The following SH3KBP1 variants were observed in gnomAD, a reference collection of about 807,000 sequenced individuals.
SH3KBP1 encodes the protein SH3 domain containing kinase binding protein 1, also known as SH3 domain-containing kinase-binding protein 1.
Under a neutral mutation model 50.1 loss-of-function variants are expected in SH3KBP1, and 8 were observed. The ratio of observed to expected loss-of-function variants is 0.16; its 90% CI spans 0.09 to 0.29. SH3KBP1 has a LOEUF of 0.29. Among genes scored for constraint, SH3KBP1 ranks in the 10% least tolerant of loss-of-function variants. The pLI is 1.00. For synonymous variants in SH3KBP1, 227 were observed against 218.6 expected, an observed-to-expected ratio of 1.04 and a Z score of -0.34; for missense variants, 377 against 535.2, an observed-to-expected ratio of 0.70 and a Z score of 2.92.
intron 6 of SH3KBP1, among the ~76,000 whole-genome samples, chrX:19,678,002 C>T (rs1569413019): frequency 8.9e-6 from 1 of 111,925 alleles, no homozygotes; most frequent in Non-Finnish European, 1.9e-5. Context: ...GCCTTCTCTG[C>T]TGTTCCTCAA....
chrX:19,593,845 C>T (rs944203468), intron 10 of SH3KBP1, among the ~76,000 whole-genome samples: 1 of 112,111 alleles, frequency 8.9e-6, no homozygotes, highest in African/African-American at 3.2e-5. Context: ...AAATAGCTTG[C>T]TTCAATTTCA....
chrX:19,818,700 G>A (rs768163824), intron 2 of SH3KBP1, among the ~76,000 whole-genome samples: 7 of 111,769 alleles, frequency 6.3e-5, no homozygotes, highest in Admixed American at 9.5e-5. Flanking sequence ...CTCCCATAGC[G>A]TGTTGATATC....
At chrX:19,760,405 C>A (rs190632760) in intron 2 of SH3KBP1, among the ~76,000 whole-genome samples, 15,666 of 84,597 alleles carry the variant, frequency 0.19, 1,027 homozygotes, top group African/African-American at 0.32. Context: ...TAAATACATA[C>A]ATACATACAT....
chrX:19,652,592 C>T (rs1418890826), intron 6 of SH3KBP1, among the ~76,000 whole-genome samples: 1 of 112,172 alleles, frequency 8.9e-6, no homozygotes, highest in Admixed American at 9.5e-5. Context: ...TTGGCAAAGA[C>T]TGAATACTCG....
chrX:19,853,411 T>C (rs989894877), intron 1 of SH3KBP1, among the ~76,000 whole-genome samples: 8 of 108,658 alleles, frequency 7.4e-5, no homozygotes, highest in South Asian at 4.0e-4. Flanking sequence ...TTGGAGGGGG[T>C]GGTCAGGGAG....
chrX:19,727,956 A>G (rs1325848258), intron 3 of SH3KBP1, among the ~76,000 whole-genome samples: 1 of 112,202 alleles, frequency 8.9e-6, no homozygotes, highest in Non-Finnish European at 1.9e-5. Flanking sequence ...GCCTGGAAAC[A>G]GAGCGAGACA....
intron 3 of SH3KBP1, among the ~76,000 whole-genome samples, chrX:19,738,831 C>T (rs6629359): frequency 1.9e-5 from 2 of 106,761 alleles, no homozygotes; most frequent in Non-Finnish European, 3.9e-5. Flanking sequence ...ACCAACATGG[C>T]GAAATCCCGT....
intron 2 of SH3KBP1, among the ~76,000 whole-genome samples, chrX:19,787,789 A>G (rs765771219): frequency 2.7e-5 from 3 of 111,529 alleles, no homozygotes; most frequent in African/African-American, 9.8e-5. Context: ...CAATCACTCT[A>G]TATTGAGGGT....
intron 11 of SH3KBP1, 82 bp downstream of exon 11, chrX:19,591,985 G>C: frequency 2.5e-6 from 2 of 785,525 alleles, no homozygotes. Flanking sequence ...AGCAAATTCT[G>C]TGGGTATTCT....
chrX:19,870,406 G>A (rs993961830), intron 1 of SH3KBP1, among the ~76,000 whole-genome samples: 8 of 109,834 alleles, frequency 7.3e-5, no homozygotes, highest in Middle Eastern at 4.8e-3. Context: ...GCAGTGGCAC[G>A]ATCATGGCTC....
intron 6 of SH3KBP1, among the ~76,000 whole-genome samples, chrX:19,678,743 G>A (rs1449769868): frequency 1.8e-5 from 2 of 111,284 alleles, no homozygotes; most frequent in African/African-American, 6.5e-5. Flanking sequence ...GTATGTTTCT[G>A]TTACCTCTCT....
At chrX:19,744,850 T>C (rs1233182104) in intron 3 of SH3KBP1, among the ~76,000 whole-genome samples, 1 of 112,731 alleles carries the variant, frequency 8.9e-6, no homozygotes, top group Non-Finnish European at 1.9e-5. Flanking sequence ...CTCATCCAAA[T>C]AGTTACCTCA....
intron 1 of SH3KBP1, among the ~76,000 whole-genome samples, chrX:19,852,934 A>T (rs1464422158): frequency 9.2e-6 from 1 of 108,202 alleles, no homozygotes; most frequent in Non-Finnish European, 1.9e-5. Flanking sequence ...ATAAAAGTGG[A>T]TCAACATTAC....
chrX:19,870,436 A>G (rs752798562), intron 1 of SH3KBP1, among the ~76,000 whole-genome samples: 7 of 109,545 alleles, frequency 6.4e-5, no homozygotes, highest in Non-Finnish European at 9.5e-5. Context: ...TCAACCTGCC[A>G]GGCTCAGGTG....
intron 2 of SH3KBP1, among the ~76,000 whole-genome samples, chrX:19,803,814 A>G (rs1603254019): frequency 1.8e-5 from 2 of 112,214 alleles, no homozygotes; most frequent in South Asian, 7.4e-4. Flanking sequence ...TATCTGCTTT[A>G]TCACAACAAA....
At chrX:19,878,560 C>T (rs1280349359) in intron 1 of SH3KBP1, among the ~76,000 whole-genome samples, 1 of 103,677 alleles carries the variant, frequency 9.6e-6, no homozygotes, top group Non-Finnish European at 2.0e-5. Flanking sequence ...AAGGAAATAT[C>T]AACCAAAAAC....
At chrX:19,757,814 G>A (rs1365122992) in intron 2 of SH3KBP1, among the ~76,000 whole-genome samples, 1 of 110,793 alleles carries the variant, frequency 9.0e-6, no homozygotes, top group East Asian at 2.8e-4. Flanking sequence ...TTGACACAAG[G>A]AAGAAGTTGA....
At chrX:19,800,444 T>C (rs764477738) in intron 2 of SH3KBP1, among the ~76,000 whole-genome samples, 70 of 112,314 alleles carry the variant, frequency 6.2e-4, no homozygotes, top group African/African-American at 2.3e-3. Flanking sequence ...GATTTTATTT[T>C]TTCCCCAAGG....
chrX:19,547,330 C>T (rs1410302335), intron 14 of SH3KBP1, among the ~76,000 whole-genome samples: 1 of 111,590 alleles, frequency 9.0e-6, no homozygotes, highest in Admixed American at 9.5e-5. Context: ...TCATCTTCAG[C>T]TTCATCTCTA....
Sources: gnomAD v4.1 joint callset for allele counts (sites outside exome capture counted in the v4.1 genomes callset) on GRCh38, gnomAD v4.1.1 for gene constraint, MANE v1.5 for transcripts, NCBI Gene and HGNC (gene_info 2026-07-23, HGNC 2026-07-21) for gene names.